The following RAC1 variants were observed in gnomAD, a reference collection of about 807,000 sequenced individuals.
RAC1 encodes the protein ras-related C3 botulinum toxin substrate 1.
A neutral mutation model predicts 25.2 loss-of-function variants in RAC1; 2 were observed. The ratio of observed to expected loss-of-function variants is 0.08; its 90% CI spans 0.03 to 0.25. The LOEUF is 0.25. RAC1 is among the 10% of genes least tolerant of loss of function. The probability of loss-of-function intolerance (pLI) is 1.00; values close to 1 mark genes in which losing one functional copy is unlikely to be tolerated. For synonymous variants in RAC1, 88 were observed against 94.0 expected (o/e 0.94, Z 0.37); for missense variants, 50 against 235.7 (o/e 0.21, Z 5.16).
chr7:6,389,013 C>T (rs996558363), intron 2 of RAC1, among the ~76,000 whole-genome samples: 2 of 151,196 alleles, frequency 1.3e-5, no homozygotes, highest in Non-Finnish European at 3.0e-5. Context: ...CCAACCTGGC[C>T]AACATGTTAA....
At chr7:6,376,673 T>G (rs13234545) in intron 1 of RAC1, among the ~76,000 whole-genome samples, 8 of 24,528 alleles carry the variant, frequency 3.3e-4, no homozygotes, top group Admixed American at 5.4e-4. Context: ...AGCTAATTTG[T>G]TTTTTTTTTT....
rs1562470269 is a variant in RAC1 at position 6,400,114 on chromosome 7, T to C, written c.226-12T>C. ...TGTTGTCTAAATGTTTCCCTGTGTTTCCTTTTTGTAGGATGTGTTCTTAAT... is the reference window on the plus strand; with the variant it reads ...TGTTGTCTAAATGTTTCCCTGTGTTCCCTTTTTGTAGGATGTGTTCTTAAT... On this transcript the variant is annotated splice_polypyrimidine_tract_variant and intron_variant, in intron 3 of 5. Transcript: ENST00000348035. The C allele has an allele frequency of 1.2e-6, 2 of 1,606,146 alleles. No homozygotes were observed. Among genetic ancestry groups the C allele is most frequent in the Non-Finnish European group, 1.7e-6 (2 of 1,172,980 alleles).
intron 2 of RAC1, among the ~76,000 whole-genome samples, chr7:6,387,719 C>G (rs567284275): frequency 6.6e-6 from 1 of 150,506 alleles, no homozygotes; most frequent in East Asian, 1.9e-4. Flanking sequence ...GAGCGAAACT[C>G]CATCTCAAAA....
At chr7:6,376,364 A>G (rs1458495868) in intron 1 of RAC1, among the ~76,000 whole-genome samples, 1 of 149,782 alleles carries the variant, frequency 6.7e-6, no homozygotes, top group Non-Finnish European at 1.5e-5. Context: ...TGTATTTTTT[A>G]GTAGAGACGG....
chr7:6,397,971 A>G (rs1783294185), intron 3 of RAC1, among the ~76,000 whole-genome samples: 1 of 152,228 alleles, frequency 6.6e-6, no homozygotes, highest in South Asian at 2.1e-4. Context: ...CCTGGGCAAC[A>G]GAGCAAGACT....
chr7:6,396,638 A>G (rs1256305032), intron 3 of RAC1, among the ~76,000 whole-genome samples: 2 of 152,178 alleles, frequency 1.3e-5, no homozygotes, highest in African/African-American at 2.4e-5. Flanking sequence ...AAGATTTGGC[A>G]CCATATGAAG....
intron 3 of RAC1, among the ~76,000 whole-genome samples, chr7:6,395,762 T>C (rs35389109): frequency 0.023 from 3,481 of 151,348 alleles, 152 homozygotes; most frequent in African/African-American, 0.08. Flanking sequence ...GCCTGACCCT[T>C]TTACAGGATT....
chr7:6,396,807 G>T (rs1236980625), intron 3 of RAC1, among the ~76,000 whole-genome samples: 1 of 152,146 alleles, frequency 6.6e-6, no homozygotes, highest in East Asian at 1.9e-4. Flanking sequence ...GAGGTGGGCG[G>T]ATCACGAGGT....
intron 1 of RAC1, among the ~76,000 whole-genome samples, chr7:6,377,200 GT>G (rs386359613): frequency 1.7e-3 from 246 of 141,916 alleles, no homozygotes; most frequent in African/African-American, 2.2e-3. Context: ...TTTTCAGTCT[GT>G]TTTTTTTTTT....
chr7:6,399,290 GA>G (rs1783334847), intron 3 of RAC1, among the ~76,000 whole-genome samples: 1 of 152,214 alleles, frequency 6.6e-6, no homozygotes, highest in African/African-American at 2.4e-5. Flanking sequence ...CTGGAGGGTT[GA>G]AAGTGTAGCT....
intron 3 of RAC1, among the ~76,000 whole-genome samples, chr7:6,396,552 A>C (rs921533063): frequency 6.6e-6 from 1 of 152,184 alleles, no homozygotes; most frequent in South Asian, 2.1e-4. Context: ...AATCGAAAGC[A>C]TGCCACAGAT....
chr7:6,402,800 A>C lies in RAC1; in HGVS notation c.*354A>C, dbSNP rs1292920269. 1.9e-5 allele frequency: 4 copies of C among 213,826 alleles called. No homozygotes were observed. The highest frequency in any genetic ancestry group is 9.1e-5 in the African/African-American group (4 of 44,008). 13.2% of individuals were successfully genotyped at this position (213,826 alleles called of 1,614,324 possible). A position where few individuals can be genotyped will look rare whatever the true frequency, so the allele number is the denominator to read the frequency against. Reference sequence around the variant, plus strand: ...TACACTGCATTGTTGTGCCGAGAACACCGAGCACTGAACTTTGCAAAGACC... The same window carrying C: ...TACACTGCATTGTTGTGCCGAGAACCCCGAGCACTGAACTTTGCAAAGACC... On this transcript the variant is annotated 3_prime_UTR_variant, in exon 6 of 6. Coordinates refer to ENST00000348035, the MANE Select transcript of RAC1 (RefSeq NM_006908.5).
At chr7:6,381,763 G>GT (rs1262103932) in intron 1 of RAC1, among the ~76,000 whole-genome samples, 1 of 152,012 alleles carries the variant, frequency 6.6e-6, no homozygotes, top group East Asian at 1.9e-4. Context: ...ATTTTAGATT[G>GT]GGTTTTGTGT....
At chr7:6,391,309 A>G (rs1232694526) in intron 2 of RAC1, 2 of 151,694 alleles carry the variant, frequency 1.3e-5, no homozygotes, top group Admixed American at 1.3e-4. Flanking sequence ...AGCAATTTTT[A>G]ACATCAGTCT....
intron 3 of RAC1, among the ~76,000 whole-genome samples, chr7:6,395,455 G>A (rs1272630585): frequency 6.6e-6 from 1 of 152,164 alleles, no homozygotes; most frequent in Admixed American, 6.5e-5. Flanking sequence ...GTTACTCTTC[G>A]CCGCGAGGGA....
chr7:6,391,188 G>A (rs889871886), intron 2 of RAC1, among the ~76,000 whole-genome samples: 19 of 151,112 alleles, frequency 1.3e-4, no homozygotes, highest in African/African-American at 4.4e-4. Flanking sequence ...GTGAGCCACC[G>A]TGCCCAGCCT....
At chr7:6,386,806 AAAAAAAAG>A (rs947901156) in intron 1 of RAC1, among the ~76,000 whole-genome samples, 27 of 150,210 alleles carry the variant, frequency 1.8e-4, no homozygotes, top group East Asian at 1.2e-3. Context: ...AAAAAAAAAG[AAAAAAAAG>A]AAAAAAAGAA....
intron 1 of RAC1, among the ~76,000 whole-genome samples, chr7:6,386,052 C>G (rs759881057): frequency 2.0e-5 from 3 of 152,184 alleles, no homozygotes; most frequent in Non-Finnish European, 4.4e-5. Context: ...GGTTGGGAGA[C>G]TTTCAGCCAC....
chr7:6,379,104 AAGAC>A (rs1432347370), intron 1 of RAC1, among the ~76,000 whole-genome samples: 1 of 152,088 alleles, frequency 6.6e-6, no homozygotes, highest in African/African-American at 2.4e-5. Flanking sequence ...AAGGAAAAAA[AAGAC>A]AGCATCTTAC....
Sources: allele counts gnomAD v4.1 joint callset (sites outside exome capture counted in the v4.1 genomes callset), GRCh38; gene constraint gnomAD v4.1.1; transcripts MANE v1.5; gene names NCBI Gene and HGNC (gene_info 2026-07-23, HGNC 2026-07-21).